Variants in LUZP2 observed in about 807,000 individuals in gnomAD.
The protein encoded by LUZP2 is leucine zipper protein 2.
A neutral mutation model predicts 51.6 loss-of-function variants in LUZP2; 52 were observed. The observed-to-expected ratio is 1.01, with a 90% CI of 0.81 to 1.27. The LOEUF (loss-of-function observed/expected upper bound fraction) is 1.27, where lower values mean the gene tolerates loss of function less well. LUZP2 is among the 50% of genes most tolerant of loss of function. The pLI, the probability that LUZP2 is intolerant of heterozygous loss-of-function variation, is 0.00. For synonymous variants in LUZP2, 154 were observed against 137.3 expected (o/e 1.12, Z -0.85); for missense variants, 436 against 395.4 (o/e 1.10, Z -0.87).
At chr11:24,513,421 C>T (rs1024822924) in intron 1 of LUZP2, among the ~76,000 whole-genome samples, 9 of 151,982 alleles carry the variant, frequency 5.9e-5, no homozygotes, top group Admixed American at 1.3e-4. Flanking sequence ...ATCAAGAGAA[C>T]GATATAGATG....
intron 10 of LUZP2, among the ~76,000 whole-genome samples, chr11:25,068,935 C>G (rs1053274607): frequency 9.9e-5 from 15 of 151,876 alleles, no homozygotes; most frequent in African/African-American, 3.1e-4. Flanking sequence ...ATTCATCGCT[C>G]AAGCCTCAGT....
chr11:24,558,575 T>C (rs568854506), intron 1 of LUZP2, among the ~76,000 whole-genome samples: 1 of 152,238 alleles, frequency 6.6e-6, no homozygotes, highest in South Asian at 2.1e-4. Flanking sequence ...ATTAGAAAAT[T>C]AGTCACTGGT....
chr11:24,800,718 A>C (rs888916823), intron 5 of LUZP2, among the ~76,000 whole-genome samples: 2 of 152,090 alleles, frequency 1.3e-5, no homozygotes, highest in East Asian at 1.9e-4. Flanking sequence ...TATTTAAAAC[A>C]CACTAGAAAA....
intron 9 of LUZP2, among the ~76,000 whole-genome samples, chr11:25,030,507 C>G (rs1857613767): frequency 6.6e-6 from 1 of 151,782 alleles, no homozygotes; most frequent in Non-Finnish European, 1.5e-5. Context: ...AATTCTTTTT[C>G]CAAAAATAGT....
At chr11:24,962,855 C>A (rs1405512930) in intron 7 of LUZP2, among the ~76,000 whole-genome samples, 1 of 152,128 alleles carries the variant, frequency 6.6e-6, no homozygotes, top group Non-Finnish European at 1.5e-5. Flanking sequence ...TTAGAGTTTC[C>A]AGTTTTTCTG....
chr11:24,757,159 A>G (rs2129355), intron 4 of LUZP2, among the ~76,000 whole-genome samples: 118,613 of 152,002 alleles, frequency 0.78, 46,391 homozygotes, highest in East Asian at 0.89. Flanking sequence ...ACAATTGATA[A>G]TTTTAAACTA....
At chr11:24,735,316 G>T (rs1420779692) in intron 3 of LUZP2, among the ~76,000 whole-genome samples, 1 of 151,830 alleles carries the variant, frequency 6.6e-6, no homozygotes, top group East Asian at 1.9e-4. Context: ...CAGGTGAATG[G>T]AGAGATTTTA....
At chr11:24,967,798 A>G (rs989099594) in intron 7 of LUZP2, among the ~76,000 whole-genome samples, 4 of 152,070 alleles carry the variant, frequency 2.6e-5, no homozygotes, top group Non-Finnish European at 4.4e-5. Flanking sequence ...CCTATTTTTA[A>G]TAGCTGCCTT....
intron 5 of LUZP2, among the ~76,000 whole-genome samples, chr11:24,777,895 T>G (rs1848983282): frequency 6.7e-6 from 1 of 148,378 alleles, no homozygotes; most frequent in Non-Finnish European, 1.5e-5. Flanking sequence ...ATACAAGCAT[T>G]ATTTTCTTAA....
At chr11:24,676,715 G>C (rs1856565099) in intron 1 of LUZP2, among the ~76,000 whole-genome samples, 1 of 151,918 alleles carries the variant, frequency 6.6e-6, no homozygotes. Context: ...CCAGGCTGGA[G>C]TGCAGTGGTG....
chr11:24,967,827 A>T (rs1041267767), intron 7 of LUZP2, among the ~76,000 whole-genome samples: 1 of 152,120 alleles, frequency 6.6e-6, no homozygotes, highest in East Asian at 1.9e-4. Flanking sequence ...TTTCTGCTAT[A>T]TTCAACATAT....
intron 1 of LUZP2, among the ~76,000 whole-genome samples, chr11:24,556,943 T>C (rs948155909): frequency 6.6e-6 from 1 of 152,282 alleles, no homozygotes; most frequent in South Asian, 2.1e-4. Context: ...TTTCGATTGG[T>C]TAATCTGTCA....
intron 1 of LUZP2, among the ~76,000 whole-genome samples, chr11:24,560,038 G>A (rs1292175152): frequency 1.3e-5 from 2 of 152,076 alleles, no homozygotes; most frequent in African/African-American, 2.4e-5. Flanking sequence ...ATGGGTTGAT[G>A]GGTGCAGCAA....
chr11:24,835,769 C>T (rs993439977), intron 5 of LUZP2, among the ~76,000 whole-genome samples: 2 of 152,014 alleles, frequency 1.3e-5, no homozygotes, highest in Non-Finnish European at 2.9e-5. Flanking sequence ...TATTAGCAAT[C>T]TCAGTCTCCT....
At chr11:24,692,025 C>T (rs930035573) in intron 1 of LUZP2, among the ~76,000 whole-genome samples, 4 of 151,862 alleles carry the variant, frequency 2.6e-5, no homozygotes, top group Admixed American at 6.6e-5. Flanking sequence ...CTAAACTTCA[C>T]AGATAAAATG....
Position 24,916,389 on chromosome 11 carries a change from A to T in LUZP2, c.522+1851A>T, listed in dbSNP as rs182979390. Among the ~76,000 whole-genome samples, 3 of 151,798 alleles carry T rather than the reference A, an allele frequency of 2.0e-5. No homozygotes were observed. The East Asian group carries it at 5.8e-4, about 29-fold the overall frequency. On this transcript the variant is annotated intron_variant, in intron 7 of 11. Transcript: ENST00000336930. ...CTAGGGTACATGTTCACAATGTGCA[A>T]GTTTGTTACTATGTATACATGTGCC...
intron 1 of LUZP2, among the ~76,000 whole-genome samples, chr11:24,618,336 C>A (rs1216521327): frequency 6.6e-6 from 1 of 152,220 alleles, no homozygotes; most frequent in African/African-American, 2.4e-5. Flanking sequence ...GGGTGAAAGT[C>A]CCAACTCCCT....
At chr11:24,901,832 A>G (rs1474248573) in intron 5 of LUZP2, among the ~76,000 whole-genome samples, 2 of 152,136 alleles carry the variant, frequency 1.3e-5, no homozygotes, top group African/African-American at 4.8e-5. Flanking sequence ...TGTCTTTGCT[A>G]TATTTTTGCT....
intron 9 of LUZP2, among the ~76,000 whole-genome samples, chr11:25,011,280 T>C (rs560790049): frequency 1.3e-5 from 2 of 152,332 alleles, no homozygotes; most frequent in Admixed American, 1.3e-4. Flanking sequence ...TGAGCATCTG[T>C]ATCTCTCCTT....
Sources: gnomAD v4.1 joint callset for allele counts (sites outside exome capture counted in the v4.1 genomes callset) on GRCh38, gnomAD v4.1.1 for gene constraint, MANE v1.5 for transcripts, NCBI Gene and HGNC (gene_info 2026-07-23, HGNC 2026-07-21) for gene names.